ADGRF5: variants seen among roughly 807,000 people sequenced by gnomAD.
ADGRF5 encodes the protein G-protein coupled receptor 116.
Under a neutral mutation model 132.3 loss-of-function variants are expected in ADGRF5, and 75 were observed. The observed-to-expected ratio is 0.57, with a 90% CI of 0.47 to 0.69. ADGRF5 has a LOEUF of 0.69. Ranked by LOEUF, ADGRF5 falls within the 30% of genes least tolerant of loss-of-function variation. The pLI is 0.00. For missense variants in ADGRF5, 1,516 were observed against 1,630.6 expected (o/e 0.93, Z 1.21); for synonymous variants, 629 against 597.6 (o/e 1.05, Z -0.77).
intron 1 of ADGRF5, among the ~76,000 whole-genome samples, chr6:46,918,427 C>T (rs141265929): frequency 6.6e-6 from 1 of 152,310 alleles, no homozygotes; most frequent in East Asian, 1.9e-4. Context: ...ACATCCATGA[C>T]TTATCATCTA....
chr6:46,916,039 G>A (rs938106993), intron 1 of ADGRF5, among the ~76,000 whole-genome samples: 4 of 151,910 alleles, frequency 2.6e-5, no homozygotes, highest in African/African-American at 9.7e-5. Flanking sequence ...CTGCCTCACT[G>A]TGCGCCCTGC....
chr6:46,854,883 T>C (rs576081056), intron 20 of ADGRF5: 36 of 443,362 alleles, frequency 8.1e-5, no homozygotes, highest in African/African-American at 6.5e-4. Context: ...TCATAAGTAA[T>C]TCATCAAATT....
Position 46,899,916 on chromosome 6 carries a change from G to T in ADGRF5, c.157+113C>A. On this transcript the variant is annotated intron_variant, in intron 3 of 20. Coordinates refer to ENST00000283296, the MANE Select transcript of ADGRF5 (RefSeq NM_001098518.2). ...TTTTGGAAATCACACTGCACTATAT[G>T]ACCCTGATGTGATTGGAGGCTGAAT... 4 of 762,102 alleles carry T rather than the reference G, an allele frequency of 5.2e-6. No individual in the cohort carries two copies. The South Asian group carries it at 6.0e-5, about 11-fold the overall frequency. The allele number at this position is 762,102 out of a possible 1,614,324, so 47.2% of individuals were successfully genotyped here.
intron 3 of ADGRF5, among the ~76,000 whole-genome samples, chr6:46,896,442 A>G (rs1380155743): frequency 6.6e-6 from 1 of 152,152 alleles, no homozygotes; most frequent in Non-Finnish European, 1.5e-5. Flanking sequence ...CCTGCCTTCA[A>G]GTGGTACAGA....
intron 9 of ADGRF5, among the ~76,000 whole-genome samples, 168 bp downstream of exon 9, chr6:46,879,650 G>A (rs924105098): frequency 6.6e-6 from 1 of 152,110 alleles, no homozygotes; most frequent in Non-Finnish European, 1.5e-5. Flanking sequence ...GTGTAAAAAT[G>A]GACTAATACA....
intron 1 of ADGRF5, among the ~76,000 whole-genome samples, chr6:46,928,025 C>T (rs1186731350): frequency 1.3e-5 from 2 of 152,178 alleles, no homozygotes; most frequent in Non-Finnish European, 2.9e-5. Context: ...TCTTACCTGA[C>T]TCTAACCAGG....
intron 20 of ADGRF5, 40 bp from the exon 21 acceptor site, chr6:46,854,111 A>G (rs774548607): frequency 3.5e-6 from 5 of 1,442,396 alleles, no homozygotes; most frequent in East Asian, 4.8e-5. Context: ...AAGACAAGCC[A>G]TCATGAACTC....
chr6:46,929,978 G>A (rs1457249598), intron 1 of ADGRF5, among the ~76,000 whole-genome samples: 1 of 151,860 alleles, frequency 6.6e-6, no homozygotes, highest in Non-Finnish European at 1.5e-5. Flanking sequence ...TCACCACCAT[G>A]CCCAGCTAAT....
upstream of ADGRF5, among the ~76,000 whole-genome samples, chr6:46,924,897 C>G (rs1039000505): frequency 9.2e-5 from 14 of 152,186 alleles, no homozygotes; most frequent in Non-Finnish European, 2.1e-4. Context: ...GGCACTTCTT[C>G]CCCTTCTGCT....
At chr6:46,869,169 A>G (rs751914164) in intron 11 of ADGRF5, 77 bp from the exon 12 acceptor site, 14 of 1,542,006 alleles carry the variant, frequency 9.1e-6, no homozygotes, top group East Asian at 2.4e-5. Flanking sequence ...ACATTAACAT[A>G]TGACTGAAAC....
chr6:46,875,718 A>G (rs1771582778), intron 10 of ADGRF5, among the ~76,000 whole-genome samples: 1 of 152,206 alleles, frequency 6.6e-6, no homozygotes, highest in South Asian at 2.1e-4. Flanking sequence ...CGGAGGTTGC[A>G]GTGAGTCGAG....
intron 17 of ADGRF5, among the ~76,000 whole-genome samples, chr6:46,857,757 G>A (rs528666592): frequency 7.1e-6 from 1 of 140,650 alleles, no homozygotes; most frequent in African/African-American, 2.5e-5. Context: ...AGGCATAGAG[G>A]TATAGTGATG....
intron 1 of ADGRF5, among the ~76,000 whole-genome samples, chr6:46,936,397 G>A (rs1777830212): frequency 6.6e-6 from 1 of 152,160 alleles, no homozygotes; most frequent in South Asian, 2.1e-4. Context: ...AGATCTGCCT[G>A]CCAAACCTGC....
rs115376188 is a variant in ADGRF5 at position 46,856,823 on chromosome 6, C to T, written c.3816+44G>A. The stretch of plus-strand genomic sequence containing the variant: ...TATCGTAACTTCAACATGCCACAAG[C>T]ACTTCAGACTTTTCTAGAAACATGA... On this transcript the variant is annotated intron_variant, in intron 18 of 20. Coordinates refer to ENST00000283296, the MANE Select transcript of ADGRF5 (RefSeq NM_001098518.2). 9,564 of 1,601,694 alleles carry T rather than the reference C, an allele frequency of 6.0e-3. 136 individuals carry two copies. The highest frequency in any genetic ancestry group is 0.048 in the African/African-American group (3,551 of 74,752).
intron 1 of ADGRF5, among the ~76,000 whole-genome samples, chr6:46,921,426 G>GAAA (rs11435646): frequency 2.0e-5 from 3 of 148,764 alleles, no homozygotes; most frequent in Admixed American, 6.7e-5. Flanking sequence ...GAACTTGTTT[G>GAAA]AAAAAAAAAA....
intron 3 of ADGRF5, among the ~76,000 whole-genome samples, chr6:46,890,545 C>G (rs1441848424): frequency 6.6e-6 from 1 of 151,756 alleles, no homozygotes; most frequent in East Asian, 2.0e-4. Context: ...TGGGAAACCC[C>G]GTCTCTACTA....
At chr6:46,875,924 C>T (rs1460956234) in intron 10 of ADGRF5, among the ~76,000 whole-genome samples, 1 of 152,212 alleles carries the variant, frequency 6.6e-6, no homozygotes, top group Non-Finnish European at 1.5e-5. Flanking sequence ...AGGAAATCTT[C>T]ATTGAATTTT....
At chr6:46,945,826 C>T (rs927661986) in intron 1 of ADGRF5, among the ~76,000 whole-genome samples, 1 of 152,216 alleles carries the variant, frequency 6.6e-6, no homozygotes, top group Non-Finnish European at 1.5e-5. Context: ...GCCTCACAAT[C>T]ATGGTGTAAG....
intron 10 of ADGRF5, among the ~76,000 whole-genome samples, chr6:46,876,232 C>T (rs189154967): frequency 6.6e-6 from 1 of 152,358 alleles, no homozygotes; most frequent in East Asian, 1.9e-4. Context: ...TGCAGGTCCC[C>T]AGGCTGCCAG....
Sources: gnomAD v4.1 joint callset for allele counts (sites outside exome capture counted in the v4.1 genomes callset) on GRCh38, gnomAD v4.1.1 for gene constraint, MANE v1.5 for transcripts, NCBI Gene and HGNC (gene_info 2026-07-23, HGNC 2026-07-21) for gene names.